HLCS: variants seen among roughly 807,000 people sequenced by gnomAD.
HLCS encodes holocarboxylase synthetase.
HLCS carries 53 observed loss-of-function variants against 75.0 expected under a neutral mutation model. That is an observed-to-expected ratio of 0.71 (90% CI 0.57 to 0.89). HLCS has a LOEUF of 0.89. HLCS is among the 40% of genes least tolerant of loss of function. The pLI, the probability that HLCS is intolerant of heterozygous loss-of-function variation, is 0.00. For synonymous variants in HLCS, 431 were observed against 428.6 expected, an observed-to-expected ratio of 1.01 and a Z score of -0.07; for missense variants, 966 against 1,074.0, an observed-to-expected ratio of 0.90 and a Z score of 1.41.
chr21:36,949,632 T>G (rs1352419498), intron 2 of HLCS, among the ~76,000 whole-genome samples: 1 of 152,228 alleles, frequency 6.6e-6, no homozygotes, highest in Non-Finnish European at 1.5e-5. Flanking sequence ...AGGAAAGAAT[T>G]TGCAGCCATC....
chr21:36,790,882 G>A (rs2145877093), intron 6 of HLCS, among the ~76,000 whole-genome samples: 1 of 152,334 alleles, frequency 6.6e-6, no homozygotes, highest in African/African-American at 2.4e-5. Context: ...GAGGAAGTCA[G>A]CAAAATGTTC....
intron 6 of HLCS, among the ~76,000 whole-genome samples, chr21:36,847,520 G>C (rs981879135): frequency 2.0e-5 from 3 of 152,100 alleles, no homozygotes; most frequent in African/African-American, 7.2e-5. Flanking sequence ...TATAAGGTAA[G>C]TAATGGATAT....
At position 36,911,983 on chromosome 21, in the gene HLCS, A is replaced by G. The variant is rs535621889; in HGVS notation, c.1621-14852T>C. Among the ~76,000 whole-genome samples the G allele has an allele frequency of 6.6e-5, 10 of 151,370 alleles. No individual in the cohort carries two copies. In the South Asian group the frequency reaches 8.3e-4, roughly 13 times the overall value. ...CTACTTGGGAGGCGGAGACAGAAGA[A>G]TCGCTTGAACCCAGGAGGCGGAGGC... On this transcript the variant is annotated intron_variant, in intron 5 of 10. Transcript: ENST00000674895.
At position 36,883,431 on chromosome 21, in the gene HLCS, C is replaced by T. The variant is rs983699021; in HGVS notation, c.1892+13429G>A. On this transcript the variant is annotated intron_variant, in intron 6 of 10. Coordinates refer to ENST00000674895, the MANE Select transcript of HLCS (RefSeq NM_001352514.2). ...TTTTGACTAAAACATATTTTTAAGC[C>T]GGAACTCAACCTCTATCTGCACACC... Among the ~76,000 whole-genome samples the T allele has an allele frequency of 6.6e-5, 10 of 152,126 alleles. No homozygotes were observed. The South Asian group carries it at 8.3e-4, about 13-fold the overall frequency.
chr21:36,864,913 T>C (rs1215640853), intron 6 of HLCS, among the ~76,000 whole-genome samples: 1 of 152,232 alleles, frequency 6.6e-6, no homozygotes, highest in Admixed American at 6.5e-5. Context: ...CTCAATTCTT[T>C]AAACTGCTTC....
intron 6 of HLCS, among the ~76,000 whole-genome samples, chr21:36,829,961 G>C (rs1161755100): frequency 6.6e-6 from 1 of 152,190 alleles, no homozygotes; most frequent in Admixed American, 6.5e-5. Flanking sequence ...AGATATTGAA[G>C]TCCTCAACCT....
rs1458636068 is a variant in HLCS, at chr21:36,936,917, G to A, written c.969C>T (p.Leu323=). Residue 323 remains leucine, a synonymous_variant, in exon 4 of 11, where the codon CTC becomes CTT. Transcript: ENST00000674895. Reference sequence around the variant, plus strand: ...CAGACCGGACCTCGTGGAACCGGCCGAGGGCTTCCTGGGAGTCGGAGCCCA... The same window carrying A: ...CAGACCGGACCTCGTGGAACCGGCCAAGGGCTTCCTGGGAGTCGGAGCCCA... ...LYVGSDSQEA[L]GRFHEVRSVL... 6.2e-6 allele frequency: 10 copies of A among 1,614,058 alleles called. No individual in the cohort carries two copies. Among genetic ancestry groups the A allele is most frequent in the East Asian group, 4.5e-5 (2 of 44,888 alleles).
chr21:36,836,559 C>T (rs1228644020), intron 6 of HLCS, among the ~76,000 whole-genome samples: 1 of 149,374 alleles, frequency 6.7e-6, no homozygotes, highest in Admixed American at 6.8e-5. Context: ...AAGAAACTAC[C>T]ATCAGAGTGA....
At chr21:36,942,370 G>C (rs1281265080) in intron 2 of HLCS, among the ~76,000 whole-genome samples, 1 of 130,570 alleles carries the variant, frequency 7.7e-6, no homozygotes, top group East Asian at 2.2e-4. Flanking sequence ...TTGCAGTCCA[G>C]CCTGGGCGAC....
intron 1 of HLCS, among the ~76,000 whole-genome samples, chr21:36,965,705 A>G (rs1343239045): frequency 6.6e-6 from 1 of 151,694 alleles, no homozygotes; most frequent in East Asian, 2.0e-4. Context: ...AAAGCTGATG[A>G]CACAGGTGGG....
intron 6 of HLCS, among the ~76,000 whole-genome samples, chr21:36,824,161 T>A (rs2061936904): frequency 1.3e-5 from 2 of 152,164 alleles, no homozygotes; most frequent in Non-Finnish European, 2.9e-5. Context: ...TGCACCACTA[T>A]TCACAATGGC....
At chr21:36,754,516 T>C in intron 10 of HLCS, 99 bp from the exon 11 acceptor site, 4 of 1,312,932 alleles carry the variant, frequency 3.0e-6, no homozygotes, top group Non-Finnish European at 4.3e-6. Context: ...CTGGGCGTGC[T>C]GGGGAGAGGG....
chr21:36,913,580 G>A (rs1463682158), intron 5 of HLCS, among the ~76,000 whole-genome samples: 2 of 152,092 alleles, frequency 1.3e-5, no homozygotes, highest in Admixed American at 6.6e-5. Context: ...GGCCAACATC[G>A]TGAAACTCCG....
intron 5 of HLCS, among the ~76,000 whole-genome samples, chr21:36,925,289 T>A (rs2066351126): frequency 6.6e-6 from 1 of 152,184 alleles, no homozygotes; most frequent in Non-Finnish European, 1.5e-5. Context: ...TGATCCCAGC[T>A]GGACACAGGA....
At chr21:36,796,676 A>G (rs2061035095) in intron 6 of HLCS, among the ~76,000 whole-genome samples, 4 of 152,180 alleles carry the variant, frequency 2.6e-5, no homozygotes, top group Admixed American at 2.6e-4. Flanking sequence ...CTAACAAAGA[A>G]GGAAGAAAAA....
At chr21:36,846,958 G>A (rs1221297938) in intron 6 of HLCS, among the ~76,000 whole-genome samples, 1 of 152,118 alleles carries the variant, frequency 6.6e-6, no homozygotes, top group African/African-American at 2.4e-5. Flanking sequence ...GCCATTCCAG[G>A]AACAGCTCTC....
intron 6 of HLCS, among the ~76,000 whole-genome samples, chr21:36,840,876 G>A (rs1304205817): frequency 6.6e-6 from 1 of 152,128 alleles, no homozygotes; most frequent in Non-Finnish European, 1.5e-5. Context: ...GCCTCCCAAA[G>A]TGCTGGGATT....
At position 36,938,082 on chromosome 21, in the gene HLCS, A is replaced by G. The variant is rs141740940; in HGVS notation, c.494-690T>C. On this transcript the variant is annotated intron_variant, in intron 3 of 10. Transcript: ENST00000674895. ...GCCTGCTTTTAAGTCTAATTAAGGA[A>G]GAACAGTTTGTGTGTTTCCTGAAAA... is the stretch of plus-strand genomic sequence containing the variant. 2.9e-3 allele frequency among the ~76,000 whole-genome samples: 436 copies of G among 152,362 alleles called. 2 individuals carry two copies. The highest frequency in any genetic ancestry group is 0.01 in the African/African-American group (424 of 41,580).
At chr21:36,811,385 T>C (rs1440663705) in intron 6 of HLCS, among the ~76,000 whole-genome samples, 1 of 152,200 alleles carries the variant, frequency 6.6e-6, no homozygotes, top group African/African-American at 2.4e-5. Context: ...TAGAAACTGA[T>C]CTTCAAAAAC....
Sources: gnomAD v4.1 joint callset for allele counts (sites outside exome capture counted in the v4.1 genomes callset) on GRCh38, gnomAD v4.1.1 for gene constraint, MANE v1.5 for transcripts, NCBI Gene and HGNC (gene_info 2026-07-23, HGNC 2026-07-21) for gene names.